Variants in MAGI3 observed in about 807,000 individuals in gnomAD.
MAGI3 encodes membrane-associated guanylate kinase, WW and PDZ domain-containing protein 3.
MAGI3 carries 43 observed loss-of-function variants against 121.8 expected under a neutral mutation model. The observed-to-expected ratio is 0.35, with a 90% CI of 0.28 to 0.46. The LOEUF (loss-of-function observed/expected upper bound fraction) is 0.46, where lower values mean the gene tolerates loss of function less well. Among genes scored for constraint, MAGI3 ranks in the 20% least tolerant of loss-of-function variants. The probability of loss-of-function intolerance (pLI) is 1.00; values close to 1 mark genes in which losing one functional copy is unlikely to be tolerated. For synonymous variants in MAGI3, 553 were observed against 639.3 expected (o/e 0.86, Z 2.04); for missense variants, 1,547 against 1,797.3 (o/e 0.86, Z 2.52).
chr1:113,617,173 G>T (rs552853960), intron 7 of MAGI3, among the ~76,000 whole-genome samples: 1 of 152,260 alleles, frequency 6.6e-6, no homozygotes, highest in South Asian at 2.1e-4. Context: ...CCAGGCGTGA[G>T]CTACCATGCC....
chr1:113,417,316 T>TA (rs1652507782), intron 1 of MAGI3, among the ~76,000 whole-genome samples: 1 of 152,278 alleles, frequency 6.6e-6, no homozygotes, highest in East Asian at 1.9e-4. Flanking sequence ...TTCAACGAAA[T>TA]AAAAGTTTTC....
chr1:113,641,069 TA>T (rs1652475182), intron 9 of MAGI3, among the ~76,000 whole-genome samples: 2 of 123,978 alleles, frequency 1.6e-5, no homozygotes, highest in Non-Finnish European at 3.3e-5. Context: ...ATATGATATA[TA>T]TAATATATAT....
At chr1:113,674,010 A>G (rs1306138724) in intron 19 of MAGI3, among the ~76,000 whole-genome samples, 2 of 152,212 alleles carry the variant, frequency 1.3e-5, no homozygotes, top group Non-Finnish European at 2.9e-5. Flanking sequence ...GACTTCGTAT[A>G]GGGAACTGCA....
intron 2 of MAGI3, among the ~76,000 whole-genome samples, chr1:113,570,463 CCA>C (rs1175339181): frequency 6.6e-6 from 1 of 152,188 alleles, no homozygotes; most frequent in Non-Finnish European, 1.5e-5. Context: ...TGAGGAATCG[CCA>C]CAGTGTCTTC....
intron 9 of MAGI3, among the ~76,000 whole-genome samples, chr1:113,637,663 T>G (rs911349059): frequency 5.4e-5 from 8 of 149,450 alleles, no homozygotes; most frequent in South Asian, 2.1e-4. Flanking sequence ...GCCCTTAACA[T>G]TTTTTCCTTC....
chr1:113,600,550 C>G (rs7547536), intron 6 of MAGI3, among the ~76,000 whole-genome samples: 2,466 of 152,182 alleles, frequency 0.016, 73 homozygotes, highest in African/African-American at 0.056. Context: ...GAACTACAAA[C>G]CACTGCTCAA....
At chr1:113,533,528 C>T (rs1324996314) in intron 1 of MAGI3, among the ~76,000 whole-genome samples, 3 of 152,050 alleles carry the variant, frequency 2.0e-5, no homozygotes, top group Non-Finnish European at 4.4e-5. Context: ...ATACCATACT[C>T]CAGTGTCACT....
At chr1:113,670,068 T>C (rs1417770092) in intron 16 of MAGI3, among the ~76,000 whole-genome samples, 1 of 151,592 alleles carries the variant, frequency 6.6e-6, no homozygotes, top group Non-Finnish European at 1.5e-5. Context: ...CCTGGAATAC[T>C]TGACCTTAAA....
At chr1:113,631,055 G>C (rs1236550614) in intron 9 of MAGI3, among the ~76,000 whole-genome samples, 1 of 152,096 alleles carries the variant, frequency 6.6e-6, no homozygotes, top group African/African-American at 2.4e-5. Flanking sequence ...CCCTTTGTTG[G>C]CATATGTCAG....
At chr1:113,631,614 A>G (rs1323397841) in intron 9 of MAGI3, among the ~76,000 whole-genome samples, 1 of 152,196 alleles carries the variant, frequency 6.6e-6, no homozygotes, top group Non-Finnish European at 1.5e-5. Flanking sequence ...TTCTTGAATT[A>G]TAAAGGATAC....
At chr1:113,447,468 A>ATAAT (rs1265087403) in intron 1 of MAGI3, among the ~76,000 whole-genome samples, 1 of 152,260 alleles carries the variant, frequency 6.6e-6, no homozygotes, top group Non-Finnish European at 1.5e-5. Flanking sequence ...TCACCTCTTA[A>ATAAT]TACAATTACA....
rs1490253579 is a variant in MAGI3, at chr1:113,580,566, G to A, written c.458G>A (p.Gly153Glu). The change falls in exon 3 of 21, where the codon GGA (glycine) becomes GAA (glutamate). Residue 153 changes from glycine to glutamate, a missense_variant. Transcript: ENST00000307546. ...IPCTTRAPRD[G>E]EVPGVDYNFI... ...GGCACTACAAGGGCCCCCAGGGATG[G>A]AGAAGTACCAGGAGTGGATTATAAT... The A allele has an allele frequency of 1.2e-6, 2 of 1,611,370 alleles. No homozygotes were observed. Among genetic ancestry groups the A allele is most frequent in the South Asian group, 1.1e-5 (1 of 90,796 alleles).
At position 113,391,536 on chromosome 1, in the gene MAGI3, T is replaced by A. The variant is rs1335609958; in HGVS notation, c.316+187T>A. 6.6e-6 allele frequency among the ~76,000 whole-genome samples: 1 copy of A among 152,120 alleles called. No individual in the cohort carries two copies. The highest frequency in any genetic ancestry group is 2.4e-5 in the African/African-American group (1 of 41,434). On this transcript the variant is annotated intron_variant, in intron 1 of 20. Coordinates refer to ENST00000307546, the MANE Select transcript of MAGI3 (RefSeq NM_001142782.2). This position sits in a 1 kb window ranked among gnomAD's most constrained non-coding sequence, Gnocchi z 4.4. ...AGTCCCATTTTGCCGAAGGGAAAAC[T>A]GAGCTCTGGCTTGGCGCGGTTGCTC...
At chr1:113,574,205 T>C (rs1453193156) in intron 2 of MAGI3, among the ~76,000 whole-genome samples, 1 of 152,178 alleles carries the variant, frequency 6.6e-6, no homozygotes, top group African/African-American at 2.4e-5. Context: ...TTAAGGTTAA[T>C]ATTGTTATGT....
At chr1:113,449,116 CAAAAA>C (rs111501053) in intron 1 of MAGI3, among the ~76,000 whole-genome samples, 1 of 73,360 alleles carries the variant, frequency 1.4e-5, no homozygotes, top group African/African-American at 4.5e-5. Context: ...AACTTCATTT[CAAAAA>C]AAAAAAAAAA....
At chr1:113,660,991 C>G (rs576584673) in intron 16 of MAGI3, among the ~76,000 whole-genome samples, 18 of 151,894 alleles carry the variant, frequency 1.2e-4, no homozygotes, top group Non-Finnish European at 2.5e-4. Flanking sequence ...GGCTTCTGTC[C>G]CATTACCTAA....
chr1:113,483,634 T>G (rs1656215142), intron 1 of MAGI3, among the ~76,000 whole-genome samples: 1 of 152,190 alleles, frequency 6.6e-6, no homozygotes, highest in African/African-American at 2.4e-5. Flanking sequence ...ATGTTTAAAT[T>G]TTATTGTGCT....
At chr1:113,605,009 T>C (rs1434615588) in intron 6 of MAGI3, among the ~76,000 whole-genome samples, 1 of 150,362 alleles carries the variant, frequency 6.7e-6, no homozygotes, top group Non-Finnish European at 1.5e-5. Flanking sequence ...TATTTTTAGA[T>C]ATAGTAAAAT....
intron 1 of MAGI3, among the ~76,000 whole-genome samples, chr1:113,537,403 A>C (rs1450899919): frequency 6.6e-6 from 1 of 152,112 alleles, no homozygotes; most frequent in African/African-American, 2.4e-5. Flanking sequence ...TTCCACTCTC[A>C]AGTTACTGTC....
Sources: gnomAD v4.1 joint callset for allele counts (sites outside exome capture counted in the v4.1 genomes callset) on GRCh38, gnomAD v4.1.1 for gene constraint, Gnocchi (gnomAD v3.1) non-coding constraint, MANE v1.5 for transcripts, NCBI Gene and HGNC (gene_info 2026-07-23, HGNC 2026-07-21) for gene names.